The following OPHN1 variants were observed in gnomAD, a reference collection of about 807,000 sequenced individuals.
OPHN1 encodes oligophrenin-1.
A neutral mutation model predicts 60.7 loss-of-function variants in OPHN1; 11 were observed. The observed-to-expected ratio is 0.18, with a 90% confidence interval of 0.11 to 0.30. The LOEUF (loss-of-function observed/expected upper bound fraction) is 0.30. Ranked by LOEUF, OPHN1 falls within the 10% of genes least tolerant of loss-of-function variation. OPHN1 has a pLI of 1.00. For synonymous variants in OPHN1, 226 were observed against 222.6 expected (o/e 1.02, Z -0.14); for missense variants, 449 against 611.0 (o/e 0.73, Z 2.80).
chrX:68,273,987 A>G (rs954068658), intron 5 of OPHN1, among the ~76,000 whole-genome samples: 3 of 111,863 alleles, frequency 2.7e-5, no homozygotes, highest in Non-Finnish European at 5.6e-5. Flanking sequence ...AGCAGGAGCA[A>G]GAAGTGGGGG....
chrX:68,096,211 C>T (rs1170975588), intron 19 of OPHN1, among the ~76,000 whole-genome samples: 1 of 111,350 alleles, frequency 9.0e-6, no homozygotes, highest in Non-Finnish European at 1.9e-5. Context: ...TCCCTATCCT[C>T]GAAGACACAG....
Position 68,209,548 on chromosome X carries a change from AG to A in OPHN1, c.832+604del, listed in dbSNP as rs1321920399. ...GCCATTGCACTCCAACCTGGACAAC[AG>A]AGCAAGATCCTGTCTTAAAAAAAGA... On this transcript the variant is annotated intron_variant, in intron 9 of 24. Coordinates refer to ENST00000355520, the MANE Select transcript of OPHN1 (RefSeq NM_002547.3). 1.3e-4 allele frequency among the ~76,000 whole-genome samples: 15 copies of A among 111,976 alleles called. No homozygotes were observed. In the East Asian group the frequency reaches 3.4e-3, roughly 26 times the overall value.
At chrX:68,269,754 C>A (rs1221746815) in intron 5 of OPHN1, among the ~76,000 whole-genome samples, 13 of 111,700 alleles carry the variant, frequency 1.2e-4, no homozygotes, top group African/African-American at 2.3e-4. Flanking sequence ...TAATTAAACT[C>A]AAGAGCTGCT....
chrX:68,316,774 A>C (rs760575699), intron 2 of OPHN1, among the ~76,000 whole-genome samples: 2 of 110,850 alleles, frequency 1.8e-5, no homozygotes, highest in African/African-American at 6.7e-5. Context: ...AGATATGCTC[A>C]CATCTCAAAA....
intron 15 of OPHN1, among the ~76,000 whole-genome samples, chrX:68,161,299 T>C (rs187429937): frequency 9.0e-6 from 1 of 111,356 alleles, no homozygotes; most frequent in Non-Finnish European, 1.9e-5. Context: ...ATATGAATCC[T>C]TCACAAACTT....
At chrX:68,259,841 T>C (rs1372752793) in intron 5 of OPHN1, among the ~76,000 whole-genome samples, 2 of 110,896 alleles carry the variant, frequency 1.8e-5, no homozygotes, top group Non-Finnish European at 3.8e-5. Flanking sequence ...ACCTATGAGA[T>C]AAAAGGGAAG....
intron 15 of OPHN1, among the ~76,000 whole-genome samples, chrX:68,163,462 A>G (rs67719609): frequency 0.31 from 31,723 of 101,585 alleles, 3,630 homozygotes; most frequent in African/African-American, 0.42. Context: ...GTGTGTGTAT[A>G]TATACCACAA....
At chrX:68,050,847 C>T (rs1248457774) in intron 23 of OPHN1, among the ~76,000 whole-genome samples, 1 of 112,268 alleles carries the variant, frequency 8.9e-6, no homozygotes, top group Non-Finnish European at 1.9e-5. Context: ...TCTTCGTCTC[C>T]CTTCTTCTTT....
At chrX:68,319,441 AG>A (rs2078224687) in intron 2 of OPHN1, among the ~76,000 whole-genome samples, 2 of 111,390 alleles carry the variant, frequency 1.8e-5, no homozygotes, top group African/African-American at 6.5e-5. Flanking sequence ...GACCTATAAA[AG>A]AAAAAAAAAA....
At chrX:68,314,812 CCT>C (rs2078191134) in intron 2 of OPHN1, among the ~76,000 whole-genome samples, 1 of 109,748 alleles carries the variant, frequency 9.1e-6, no homozygotes, top group Admixed American at 9.8e-5. Context: ...ATGGTGAATC[CCT>C]GTCTCTACTA....
intron 15 of OPHN1, among the ~76,000 whole-genome samples, chrX:68,121,790 G>T (rs1461267496): frequency 9.4e-6 from 1 of 105,824 alleles, no homozygotes; most frequent in Admixed American, 1.0e-4. Context: ...GAAAAGAGGG[G>T]GCAAGAGTAA....
At position 68,299,085 on chromosome X, in the gene OPHN1, C is replaced by T; in HGVS notation, c.166G>A (p.Ala56Thr). The T allele has an allele frequency of 3.4e-6, 4 of 1,167,978 alleles. No individual in the cohort carries two copies. Among genetic ancestry groups the T allele is most frequent in the Non-Finnish European group, 4.7e-6 (4 of 859,327 alleles). Residue 56 changes from alanine to threonine, a missense_variant, in exon 3 of 25, where the codon GCT becomes ACT. Ala to Thr is a moderately conservative substitution (Grantham distance 58). Coordinates refer to ENST00000355520, the MANE Select transcript of OPHN1 (RefSeq NM_002547.3). ...LISAMRNYSS[A>T]VQKFSQTLQS... Reference sequence around the variant, plus strand: ...AGCGTCTGGGAAAATTTCTGAACAGCAGAAGAATAATCTGCAAAGGAAGGG... The same window carrying T: ...AGCGTCTGGGAAAATTTCTGAACAGTAGAAGAATAATCTGCAAAGGAAGGG...
intron 15 of OPHN1, chrX:68,133,162 T>C (rs1487869118): frequency 1.2e-5 from 9 of 731,958 alleles, no homozygotes; most frequent in Non-Finnish European, 1.5e-5. Context: ...TTAATCAGAG[T>C]GAAGCTTGTG....
chrX:68,087,255 G>T (rs1261657890), intron 19 of OPHN1, among the ~76,000 whole-genome samples: 1 of 112,199 alleles, frequency 8.9e-6, no homozygotes, highest in Non-Finnish European at 1.9e-5. Context: ...CTAAAGGCCT[G>T]GTCTAAGAGA....
At chrX:68,217,263 G>C (rs1416029365) in intron 6 of OPHN1, among the ~76,000 whole-genome samples, 2 of 112,255 alleles carry the variant, frequency 1.8e-5, no homozygotes, top group Non-Finnish European at 3.8e-5. Flanking sequence ...TCCCGCACCT[G>C]GCTCGGAGGA....
chrX:68,388,238 T>C (rs1008429677), intron 2 of OPHN1, among the ~76,000 whole-genome samples: 3 of 105,377 alleles, frequency 2.8e-5, no homozygotes, highest in Non-Finnish European at 5.8e-5. Flanking sequence ...GGTGGGTGGA[T>C]CACTTGAGGT....
chrX:68,213,101 G>A (rs946781217), intron 7 of OPHN1, among the ~76,000 whole-genome samples: 35 of 112,440 alleles, frequency 3.1e-4, no homozygotes, highest in African/African-American at 1.1e-3. Context: ...GGGTATGGTA[G>A]CTCATGCCTG....
chrX:68,043,385 A>G lies in OPHN1; in HGVS notation c.*3787T>C, dbSNP rs1397242738. On this transcript the variant is annotated 3_prime_UTR_variant, in exon 25 of 25. Coordinates refer to ENST00000355520, the MANE Select transcript of OPHN1 (RefSeq NM_002547.3). The stretch of plus-strand genomic sequence containing the variant: ...TTAGAGTATAATAAAAAAAAGAAAA[A>G]AAAAAGAAAAAAAAAGGTATCTTGA... 1.8e-5 allele frequency: 2 copies of G among 108,777 alleles called. No individual in the cohort carries two copies. Among genetic ancestry groups the G allele is most frequent in the South Asian group, 8.2e-4 (2 of 2,433 alleles). The allele number at this position is 108,777 out of a possible 1,213,427, so 9.0% of individuals were successfully genotyped here. A position where few individuals can be genotyped will look rare whatever the true frequency, so the allele number is the denominator to read the frequency against.
At chrX:68,330,546 TC>T (rs1297796462) in intron 2 of OPHN1, among the ~76,000 whole-genome samples, 7 of 111,025 alleles carry the variant, frequency 6.3e-5, no homozygotes, top group Non-Finnish European at 1.1e-4. Context: ...TGCCTTTAGT[TC>T]CAGCTACTTG....
Sources: allele counts gnomAD v4.1 joint callset (sites outside exome capture counted in the v4.1 genomes callset), GRCh38; gene constraint gnomAD v4.1.1; transcripts MANE v1.5; gene names NCBI Gene and HGNC (gene_info 2026-07-23, HGNC 2026-07-21).